Variants in CHM observed in about 807,000 individuals in gnomAD.
CHM encodes rab proteins geranylgeranyltransferase component A 1.
In CHM, 10 loss-of-function variants were observed where a neutral mutation model predicts 49.0. The observed-to-expected ratio is 0.20, with a 90% CI of 0.13 to 0.35. CHM has a LOEUF of 0.35. Among genes scored for constraint, CHM ranks in the 10% least tolerant of loss-of-function variants. The pLI, the probability that CHM is intolerant of heterozygous loss-of-function variation, is 1.00. For synonymous variants in CHM, 184 were observed against 167.5 expected, an observed-to-expected ratio of 1.10 and a Z score of -0.76; for missense variants, 455 against 478.4, an observed-to-expected ratio of 0.95 and a Z score of 0.46.
At chrX:85,916,307 G>C (rs778254901) in intron 8 of CHM, among the ~76,000 whole-genome samples, 1 of 112,010 alleles carries the variant, frequency 8.9e-6, no homozygotes, top group Admixed American at 9.5e-5. Flanking sequence ...ATTAACTCAA[G>C]ATAGATTAAC....
At chrX:85,923,080 G>A (rs149536302) in intron 8 of CHM, among the ~76,000 whole-genome samples, 104 of 111,852 alleles carry the variant, frequency 9.3e-4, no homozygotes, top group Non-Finnish European at 1.7e-3. Context: ...AGATCAACTC[G>A]TGGGGGTGAT....
intron 6 of CHM, 121 bp downstream of exon 6, chrX:85,958,740 C>T (rs757951539): frequency 2.3e-5 from 25 of 1,076,158 alleles, no homozygotes; most frequent in Non-Finnish European, 3.1e-5. Flanking sequence ...TGTAAATCAC[C>T]ACGGAGGACT....
At chrX:86,039,373 A>G (rs1464712227) in intron 1 of CHM, among the ~76,000 whole-genome samples, 3 of 110,997 alleles carry the variant, frequency 2.7e-5, no homozygotes, top group Non-Finnish European at 5.7e-5. Context: ...TTAAATCCAC[A>G]TAAATAAGAC....
At position 85,914,305 on chromosome X, in the gene CHM, C is replaced by A. The variant is rs184554210; in HGVS notation, c.1167-2967G>T. On this transcript the variant is annotated intron_variant, in intron 8 of 14. Coordinates refer to ENST00000357749, the MANE Select transcript of CHM (RefSeq NM_000390.4). The stretch of plus-strand genomic sequence containing the variant: ...TGTGAGCAACTGGACCTGGAGATTG[C>A]AAGTCTATCTTACCTGCAGGATTGG... Among the ~76,000 whole-genome samples, 88 of 110,792 alleles carry A rather than the reference C, an allele frequency of 7.9e-4. 1 individual carries two copies. The highest frequency in any genetic ancestry group is 5.0e-3 in the Admixed American group (52 of 10,438).
At chrX:85,927,656 A>C (rs998552586) in intron 8 of CHM, among the ~76,000 whole-genome samples, 2 of 112,258 alleles carry the variant, frequency 1.8e-5, no homozygotes, top group African/African-American at 6.5e-5. Flanking sequence ...CAGACATTTA[A>C]ATCAATATAA....
intron 4 of CHM, chrX:85,971,145 C>T: frequency 1.3e-6 from 1 of 747,281 alleles, no homozygotes. Flanking sequence ...AATTATATTG[C>T]CCAAATACTT....
At chrX:85,888,569 G>A (rs372542620) in intron 12 of CHM, among the ~76,000 whole-genome samples, 5 of 111,514 alleles carry the variant, frequency 4.5e-5, no homozygotes, top group Non-Finnish European at 7.5e-5. Context: ...AAGCTGGAAC[G>A]AAGAAAGCAG....
intron 1 of CHM, among the ~76,000 whole-genome samples, chrX:86,038,051 T>C (rs1316226559): frequency 8.9e-6 from 1 of 112,076 alleles, no homozygotes; most frequent in Non-Finnish European, 1.9e-5. Flanking sequence ...ACCTTGGGAT[T>C]GTGAAAGGAA....
intron 5 of CHM, among the ~76,000 whole-genome samples, chrX:85,961,963 C>T (rs1350328600): frequency 1.8e-5 from 2 of 112,088 alleles, no homozygotes; most frequent in Admixed American, 1.9e-4. Flanking sequence ...TAATTTTCTA[C>T]ACCAATTCCT....
intron 2 of CHM, among the ~76,000 whole-genome samples, chrX:86,015,060 TA>T (rs1208438883): frequency 4.5e-5 from 4 of 88,646 alleles, no homozygotes; most frequent in African/African-American, 1.2e-4. Flanking sequence ...ATGAAAAAGT[TA>T]TTTTTTTTTT....
chrX:85,971,218 C>CT, intron 4 of CHM: 1 of 755,001 alleles, frequency 1.3e-6, no homozygotes, highest in Non-Finnish European at 1.6e-6. Flanking sequence ...TCGCCTAGTC[C>CT]TCCTTGCAAT....
At chrX:85,880,178 G>A (rs184808508) in intron 12 of CHM, among the ~76,000 whole-genome samples, 3 of 111,008 alleles carry the variant, frequency 2.7e-5, no homozygotes, top group Non-Finnish European at 5.7e-5. Context: ...AATTACTTAT[G>A]GCCTAATAAT....
chrX:85,871,225 T>C (rs1355294230), intron 14 of CHM, among the ~76,000 whole-genome samples: 1 of 96,867 alleles, frequency 1.0e-5, no homozygotes, highest in Non-Finnish European at 2.0e-5. Flanking sequence ...GAGAATGGCA[T>C]GAACCCAGGA....
At chrX:85,884,415 A>G (rs1300491827) in intron 12 of CHM, among the ~76,000 whole-genome samples, 3 of 111,113 alleles carry the variant, frequency 2.7e-5, no homozygotes, top group Non-Finnish European at 5.7e-5. Flanking sequence ...TAGTATCATT[A>G]TTCCTATTTC....
At chrX:85,981,586 G>A (rs1931615820) in intron 3 of CHM, 151 bp downstream of exon 3, 1 of 454,987 alleles carries the variant, frequency 2.2e-6, no homozygotes, top group Non-Finnish European at 3.8e-6. Context: ...TAGCTAAAAA[G>A]GTGACTTTAC....
intron 1 of CHM, among the ~76,000 whole-genome samples, chrX:86,029,804 C>T (rs911100127): frequency 9.0e-6 from 1 of 111,389 alleles, no homozygotes; most frequent in Non-Finnish European, 1.9e-5. Context: ...CCTAGCTGCA[C>T]AACCTCAGAT....
chrX:86,008,146 C>G (rs977982472), intron 2 of CHM, among the ~76,000 whole-genome samples: 1 of 111,663 alleles, frequency 9.0e-6, no homozygotes, highest in Non-Finnish European at 1.9e-5. Flanking sequence ...TCTCAGCAAA[C>G]TATCACAAGG....
At chrX:86,041,726 GTATATATATATATATATATATATATA>G (rs3078104) in intron 1 of CHM, among the ~76,000 whole-genome samples, 118 of 83,722 alleles carry the variant, frequency 1.4e-3, no homozygotes, top group Non-Finnish European at 2.4e-3. Flanking sequence ...TGGTGTGTGT[GTATATATATATATATATATATATATA>G]TATATACATA....
chrX:85,874,983 T>C (rs1320849728), intron 13 of CHM, among the ~76,000 whole-genome samples: 4 of 111,596 alleles, frequency 3.6e-5, no homozygotes, highest in African/African-American at 1.3e-4. Flanking sequence ...TCTAAGCATA[T>C]ACTAGGAGAG....
Sources: gnomAD v4.1 joint callset for allele counts (sites outside exome capture counted in the v4.1 genomes callset) on GRCh38, gnomAD v4.1.1 for gene constraint, MANE v1.5 for transcripts, NCBI Gene and HGNC (gene_info 2026-07-23, HGNC 2026-07-21) for gene names.